OLA1: variants seen among roughly 807,000 people sequenced by gnomAD.
The protein encoded by OLA1 is Obg like ATPase 1, also known as obg-like ATPase 1.
In OLA1, 14 loss-of-function variants were observed where a neutral mutation model predicts 48.4. The ratio of observed to expected loss-of-function variants is 0.29; its 90% CI spans 0.19 to 0.45. The LOEUF (loss-of-function observed/expected upper bound fraction) is 0.45. Ranked by LOEUF, OLA1 falls within the 20% of genes least tolerant of loss-of-function variation. OLA1 has a pLI of 1.00. For missense variants in OLA1, 325 were observed against 467.1 expected (o/e 0.70, Z 2.80); for synonymous variants, 127 against 150.4 (o/e 0.84, Z 1.14).
intron 7 of OLA1, among the ~76,000 whole-genome samples, chr2:174,120,136 T>C (rs1252802921): frequency 6.6e-6 from 1 of 152,054 alleles, no homozygotes; most frequent in Non-Finnish European, 1.5e-5. Flanking sequence ...AAAAAATATG[T>C]AAAATTAGTT....
chr2:174,075,552 A>G (rs72920507), intron 10 of OLA1, 25 bp from the exon 11 acceptor site: 101,372 of 1,429,144 alleles, frequency 0.071, 4,161 homozygotes, highest in Middle Eastern at 0.09. Flanking sequence ...TATAGAGGAA[A>G]TGGGTTATTA....
At chr2:174,217,403 CCTG>C (rs2105446187) in intron 4 of OLA1, among the ~76,000 whole-genome samples, 1 of 152,138 alleles carries the variant, frequency 6.6e-6, no homozygotes, top group East Asian at 1.9e-4. Context: ...GCTGCACCAA[CCTG>C]CTAATTATTA....
At chr2:174,129,503 T>TAAATAAA in intron 5 of OLA1, among the ~76,000 whole-genome samples, 1 of 139,304 alleles carries the variant, frequency 7.2e-6, no homozygotes, top group Admixed American at 7.1e-5. Context: ...AAATAAATAA[T>TAAATAAA]ATTTATGGCA....
chr2:174,120,946 T>C (rs1392770185), intron 7 of OLA1, among the ~76,000 whole-genome samples: 1 of 152,194 alleles, frequency 6.6e-6, no homozygotes, highest in East Asian at 1.9e-4. Context: ...ATAGTAACAT[T>C]ACATGTTAAT....
chr2:174,119,940 A>AAC (rs541858637), intron 7 of OLA1, among the ~76,000 whole-genome samples: 43 of 129,766 alleles, frequency 3.3e-4, no homozygotes, highest in Admixed American at 1.1e-3. Context: ...ATGTGTGTAT[A>AAC]ACACACACAC....
chr2:174,099,661 T>C (rs1685346452), intron 7 of OLA1, among the ~76,000 whole-genome samples: 1 of 152,256 alleles, frequency 6.6e-6, no homozygotes, highest in Non-Finnish European at 1.5e-5. Flanking sequence ...CCTTTATGTT[T>C]ACCTACTGTT....
At chr2:174,185,667 C>T (rs957623863) in intron 4 of OLA1, among the ~76,000 whole-genome samples, 5 of 152,160 alleles carry the variant, frequency 3.3e-5, no homozygotes, top group Non-Finnish European at 7.3e-5. Context: ...GTGGCTCACA[C>T]CTGTAATCCC....
chr2:174,212,636 A>G (rs1688269250), intron 4 of OLA1, among the ~76,000 whole-genome samples: 1 of 152,192 alleles, frequency 6.6e-6, no homozygotes, highest in South Asian at 2.1e-4. Flanking sequence ...ACATTGTACA[A>G]CTGTATAAAA....
At chr2:174,173,614 T>A (rs1317795059) in intron 4 of OLA1, among the ~76,000 whole-genome samples, 1 of 151,830 alleles carries the variant, frequency 6.6e-6, no homozygotes, top group Non-Finnish European at 1.5e-5. Context: ...TTAAATAATT[T>A]GAAAATACCC....
intron 4 of OLA1, among the ~76,000 whole-genome samples, chr2:174,181,923 T>G (rs1687552205): frequency 6.6e-6 from 1 of 152,308 alleles, no homozygotes; most frequent in African/African-American, 2.4e-5. Flanking sequence ...TCTATCTCCC[T>G]CCTTTAGTAT....
chr2:174,143,998 GGAGGCT>G (rs11277281), intron 4 of OLA1, among the ~76,000 whole-genome samples: 20,866 of 151,976 alleles, frequency 0.14, 1,556 homozygotes, highest in East Asian at 0.21. Context: ...TGGCTACTGG[GGAGGCT>G]AAGGTAGGAG....
Position 174,081,200 on chromosome 2 carries a change from T to C in OLA1, c.918A>G (p.Glu306=), listed in dbSNP as rs913639150. The change falls in exon 9 of 11, where the codon GAA becomes GAG. Residue 306 remains glutamate (E), a synonymous_variant. Transcript: ENST00000284719. ...CATCTGGGCCTGCAGTGAAAAAGTA[T>C]TCTAGTTGGAGTGCTGCAAACCCAG... ...IKAGFAALQL[E]YFFTAGPDEV... The C allele has an allele frequency of 1.2e-6, 2 of 1,611,500 alleles. No homozygotes were observed. Among genetic ancestry groups the C allele is most frequent in the Non-Finnish European group, 1.7e-6 (2 of 1,179,024 alleles).
intron 7 of OLA1, among the ~76,000 whole-genome samples, chr2:174,095,879 C>T (rs1374602943): frequency 6.6e-6 from 1 of 151,984 alleles, no homozygotes; most frequent in African/African-American, 2.4e-5. Context: ...TTTGAATAGA[C>T]AGGTCTCCCT....
chr2:174,144,821 G>T (rs957818430), intron 4 of OLA1, among the ~76,000 whole-genome samples: 5 of 149,626 alleles, frequency 3.3e-5, no homozygotes, highest in African/African-American at 9.9e-5. Context: ...GGTGGTGCAC[G>T]CCTGTGGTCT....
At chr2:174,158,837 T>TTTA (rs1404993136) in intron 4 of OLA1, among the ~76,000 whole-genome samples, 1 of 152,142 alleles carries the variant, frequency 6.6e-6, no homozygotes, top group Non-Finnish European at 1.5e-5. Flanking sequence ...ACTATGAATA[T>TTTA]TTATCTAAAG....
intron 5 of OLA1, among the ~76,000 whole-genome samples, chr2:174,140,931 T>TTTTA (rs144302096): frequency 0.042 from 6,377 of 151,948 alleles, 470 homozygotes; most frequent in African/African-American, 0.15. Context: ...TTTAAAAATA[T>TTTTA]TTTATTTATT....
At chr2:174,076,072 A>T (rs1449403097) in intron 10 of OLA1, among the ~76,000 whole-genome samples, 1 of 152,214 alleles carries the variant, frequency 6.6e-6, no homozygotes, top group Non-Finnish European at 1.5e-5. Context: ...TATACATAGA[A>T]GTATGTACTA....
intron 9 of OLA1, among the ~76,000 whole-genome samples, chr2:174,080,429 A>C (rs977810407): frequency 2.0e-5 from 3 of 152,106 alleles, no homozygotes; most frequent in Non-Finnish European, 4.4e-5. Flanking sequence ...ATATTTCAAA[A>C]TATTTTTCAA....
At chr2:174,236,643 C>T (rs4361093) in intron 2 of OLA1, among the ~76,000 whole-genome samples, 30,700 of 152,032 alleles carry the variant, frequency 0.2, 3,254 homozygotes, top group Middle Eastern at 0.3. Context: ...GCGAACATTA[C>T]AGAGTATATT....
Sources: gnomAD v4.1 joint callset for allele counts (sites outside exome capture counted in the v4.1 genomes callset) on GRCh38, gnomAD v4.1.1 for gene constraint, MANE v1.5 for transcripts, NCBI Gene and HGNC (gene_info 2026-07-23, HGNC 2026-07-21) for gene names.